TMEM232: variants seen among roughly 807,000 people sequenced by gnomAD.
TMEM232 encodes the protein transmembrane protein 232.
Under a neutral mutation model 78.8 loss-of-function variants are expected in TMEM232, and 80 were observed. That is an observed-to-expected ratio of 1.01 (90% CI 0.85 to 1.22). TMEM232 has a LOEUF of 1.22. Ranked by LOEUF, TMEM232 falls within the 50% of genes most tolerant of loss-of-function variation. The pLI, the probability that TMEM232 is intolerant of heterozygous loss-of-function variation, is 0.00. For missense variants in TMEM232, 881 were observed against 742.2 expected (o/e 1.19, Z -2.17); for synonymous variants, 297 against 254.3 (o/e 1.17, Z -1.60).
intron 3 of TMEM232, among the ~76,000 whole-genome samples, chr5:110,391,326 T>TGTGTGTGTGTGAGAGAGAGAGAGA (rs549361387): frequency 4.3e-5 from 6 of 139,814 alleles, no homozygotes; most frequent in African/African-American, 1.8e-4. Context: ...TGTGTGTGTG[T>TGTGTGTGTGTGAGAGAGAGAGAGA]GAGAGAGAGA....
At chr5:110,558,035 G>T (rs2149644345) in intron 11 of TMEM232, among the ~76,000 whole-genome samples, 1 of 152,252 alleles carries the variant, frequency 6.6e-6, no homozygotes, top group South Asian at 2.1e-4. Context: ...AACTGGTTTT[G>T]TTTCTGAATT....
At chr5:110,679,410 T>A (rs1034394655) in intron 1 of TMEM232, among the ~76,000 whole-genome samples, 3 of 152,244 alleles carry the variant, frequency 2.0e-5, no homozygotes, top group Non-Finnish European at 4.4e-5. Context: ...GAGCTCCGTG[T>A]ATATTCTGAA....
intron 8 of TMEM232, among the ~76,000 whole-genome samples, chr5:110,616,531 G>A (rs1427313998): frequency 6.6e-6 from 1 of 151,796 alleles, no homozygotes; most frequent in Non-Finnish European, 1.5e-5. Flanking sequence ...TATATTTAAA[G>A]AAAATATGTG....
At chr5:110,447,841 G>A (rs1172141855) in intron 12 of TMEM232, among the ~76,000 whole-genome samples, 9 of 151,990 alleles carry the variant, frequency 5.9e-5, no homozygotes, top group Admixed American at 5.9e-4. Context: ...GCCAATTCAA[G>A]ATAATCTCCA....
intron 12 of TMEM232, among the ~76,000 whole-genome samples, chr5:110,477,685 T>A (rs1763399414): frequency 6.6e-6 from 1 of 151,872 alleles, no homozygotes; most frequent in African/African-American, 2.4e-5. Flanking sequence ...GTATCTTCTT[T>A]TATAAACTGC....
chr5:110,389,628 T>C (rs1755109312), intron 4 of TMEM232, among the ~76,000 whole-genome samples: 2 of 152,292 alleles, frequency 1.3e-5, no homozygotes, highest in East Asian at 1.9e-4. Context: ...TCACCATCAA[T>C]TGCACACAAA....
intron 1 of TMEM232, among the ~76,000 whole-genome samples, chr5:110,704,382 T>C (rs1795718523): frequency 6.6e-6 from 1 of 152,108 alleles, no homozygotes; most frequent in Admixed American, 6.6e-5. Context: ...ACCAGAGATC[T>C]CCAGTTAAAG....
chr5:110,534,441 G>T (rs1008733762), intron 11 of TMEM232, among the ~76,000 whole-genome samples: 5 of 152,044 alleles, frequency 3.3e-5, no homozygotes, highest in Non-Finnish European at 7.4e-5. Flanking sequence ...CAGAATTCAG[G>T]CCTGTCCTCA....
chr5:110,415,177 T>C (rs1756148912), downstream of TMEM232, among the ~76,000 whole-genome samples: 2 of 129,282 alleles, frequency 1.5e-5, no homozygotes, highest in South Asian at 4.7e-4. Flanking sequence ...CTTAAATCTA[T>C]CTTTCTCTCC....
At chr5:110,730,781 G>A (rs1400696530), upstream of TMEM232, among the ~76,000 whole-genome samples, 3 of 152,268 alleles carry the variant, frequency 2.0e-5, no homozygotes, top group Non-Finnish European at 4.4e-5. Flanking sequence ...AATTCTGGGA[G>A]ATATAATTCA....
chr5:110,596,891 A>G (rs12659938), intron 10 of TMEM232, among the ~76,000 whole-genome samples: 14,428 of 152,132 alleles, frequency 0.095, 815 homozygotes, highest in South Asian at 0.2. Flanking sequence ...ATCTATGACA[A>G]ACCCACAGCC....
At chr5:110,535,955 T>G (rs1772281216) in intron 11 of TMEM232, among the ~76,000 whole-genome samples, 1 of 152,226 alleles carries the variant, frequency 6.6e-6, no homozygotes. Flanking sequence ...CCCACTTTCC[T>G]GTGTGGCAGA....
intron 5 of TMEM232, among the ~76,000 whole-genome samples, chr5:110,629,546 C>T (rs1317441711): frequency 6.6e-6 from 1 of 152,010 alleles, no homozygotes; most frequent in Non-Finnish European, 1.5e-5. Context: ...TCAAGCTTTG[C>T]CTCCTACATT....
At chr5:110,726,927 G>A (rs1482878084), upstream of TMEM232, 1 of 152,210 alleles carries the variant, frequency 6.6e-6, no homozygotes, top group African/African-American at 2.4e-5. Flanking sequence ...CGGCTTCACA[G>A]TGCTTTAATG....
At chr5:110,443,080 C>T (rs1196933116) in intron 12 of TMEM232, among the ~76,000 whole-genome samples, 1 of 152,140 alleles carries the variant, frequency 6.6e-6, no homozygotes, top group Non-Finnish European at 1.5e-5. Context: ...GTAACCGCTG[C>T]CTGGCTACCA....
chr5:110,428,300 G>C (rs918300569), intron 12 of TMEM232, among the ~76,000 whole-genome samples: 1 of 151,852 alleles, frequency 6.6e-6, no homozygotes, highest in African/African-American at 2.4e-5. Flanking sequence ...CTAAACTTTA[G>C]ACAGGCCTCT....
chr5:110,684,328 T>A (rs75568022), intron 1 of TMEM232, among the ~76,000 whole-genome samples: 1 of 152,024 alleles, frequency 6.6e-6, no homozygotes, highest in Admixed American at 6.6e-5. Context: ...AAACAAAAAA[T>A]AGATTATATC....
At chr5:110,629,667 A>G (rs1580424123) in intron 5 of TMEM232, among the ~76,000 whole-genome samples, 1 of 150,888 alleles carries the variant, frequency 6.6e-6, no homozygotes, top group East Asian at 1.9e-4. Flanking sequence ...TTTTTTTCTG[A>G]TACTTTTATC....
At chr5:110,686,079 A>G (rs1167520898) in intron 1 of TMEM232, among the ~76,000 whole-genome samples, 1 of 152,072 alleles carries the variant, frequency 6.6e-6, no homozygotes, top group Non-Finnish European at 1.5e-5. Context: ...TTAAATTTTT[A>G]AAGATGACCA....
Sources: allele counts gnomAD v4.1 joint callset (sites outside exome capture counted in the v4.1 genomes callset), GRCh38; gene constraint gnomAD v4.1.1; transcripts MANE v1.5; gene names NCBI Gene and HGNC (gene_info 2026-07-23, HGNC 2026-07-21).